The following GPC6 variants were observed in gnomAD, a reference collection of about 807,000 sequenced individuals.
GPC6 encodes the protein glypican 6, also known as glypican-6.
In GPC6, 14 loss-of-function variants were observed where a neutral mutation model predicts 55.2. That is an observed-to-expected ratio of 0.25 (90% CI 0.17 to 0.40). The LOEUF (loss-of-function observed/expected upper bound fraction) is 0.40, where lower values mean the gene tolerates loss of function less well. GPC6 is among the 10% of genes least tolerant of loss of function. The pLI is 1.00. For synonymous variants in GPC6, 278 were observed against 259.6 expected, an observed-to-expected ratio of 1.07 and a Z score of -0.68; for missense variants, 641 against 708.5, an observed-to-expected ratio of 0.90 and a Z score of 1.08.
chr13:93,383,081 T>C (rs1310567695), intron 1 of GPC6, among the ~76,000 whole-genome samples: 1 of 152,210 alleles, frequency 6.6e-6, no homozygotes, highest in Non-Finnish European at 1.5e-5. Context: ...GCTGCTATGA[T>C]CAAATGGTGA....
At chr13:93,445,610 T>C (rs564727580) in intron 1 of GPC6, among the ~76,000 whole-genome samples, 138 of 152,306 alleles carry the variant, frequency 9.1e-4, no homozygotes, top group South Asian at 1.9e-3. Context: ...TTCACCATGT[T>C]CCTACCATCT....
intron 1 of GPC6, among the ~76,000 whole-genome samples, chr13:93,506,193 G>A (rs942322359): frequency 7.2e-5 from 11 of 152,294 alleles, no homozygotes; most frequent in Admixed American, 5.9e-4. Flanking sequence ...AATGAAGTGA[G>A]AGAAAGGTTA....
At chr13:94,259,262 A>G (rs113760193) in intron 4 of GPC6, among the ~76,000 whole-genome samples, 2,048 of 152,298 alleles carry the variant, frequency 0.013, 52 homozygotes, top group African/African-American at 0.047. Context: ...CCCCTAAACC[A>G]ATAACCAACA....
intron 1 of GPC6, among the ~76,000 whole-genome samples, chr13:93,228,620 T>C (rs1430519767): frequency 6.6e-6 from 1 of 152,078 alleles, no homozygotes; most frequent in Non-Finnish European, 1.5e-5. Context: ...GAATGAAACG[T>C]GTCGGGGAGA....
intron 1 of GPC6, among the ~76,000 whole-genome samples, chr13:93,340,730 T>C (rs1880226892): frequency 6.6e-6 from 1 of 152,206 alleles, no homozygotes; most frequent in Admixed American, 6.5e-5. Context: ...GGCCTCATCA[T>C]GATACCCTTA....
At chr13:93,583,840 T>A (rs2139493625) in intron 2 of GPC6, among the ~76,000 whole-genome samples, 1 of 152,310 alleles carries the variant, frequency 6.6e-6, no homozygotes, top group South Asian at 2.1e-4. Flanking sequence ...AGTGAGAAAT[T>A]TAGAACTGAT....
chr13:93,322,695 C>T (rs1392638355), intron 1 of GPC6, among the ~76,000 whole-genome samples: 1 of 152,128 alleles, frequency 6.6e-6, no homozygotes, highest in African/African-American at 2.4e-5. Flanking sequence ...CCGCCTCAGC[C>T]TCCCAAAGTG....
intron 2 of GPC6, among the ~76,000 whole-genome samples, chr13:93,737,945 T>C (rs1381799738): frequency 6.6e-6 from 1 of 152,116 alleles, no homozygotes; most frequent in Non-Finnish European, 1.5e-5. Flanking sequence ...GAAGCAACAC[T>C]GAAAACTCAC....
At chr13:93,771,015 C>T (rs1396206877) in intron 2 of GPC6, among the ~76,000 whole-genome samples, 1 of 152,088 alleles carries the variant, frequency 6.6e-6, no homozygotes, top group East Asian at 1.9e-4. Context: ...CATTATCCTA[C>T]AGTCTCAGTA....
intron 4 of GPC6, among the ~76,000 whole-genome samples, chr13:94,094,991 G>T (rs1885611651): frequency 6.6e-6 from 1 of 151,894 alleles, no homozygotes; most frequent in Non-Finnish European, 1.5e-5. Context: ...ATTTAACTTG[G>T]CATCCTCCTT....
At chr13:94,128,564 C>G (rs1247535632) in intron 4 of GPC6, among the ~76,000 whole-genome samples, 1 of 152,162 alleles carries the variant, frequency 6.6e-6, no homozygotes, top group Non-Finnish European at 1.5e-5. Context: ...GTCATTCTGA[C>G]TGCAGGAAAG....
At chr13:94,333,508 A>G (rs1368816532) in intron 6 of GPC6, among the ~76,000 whole-genome samples, 1 of 152,268 alleles carries the variant, frequency 6.6e-6, no homozygotes. Flanking sequence ...GGAAATCAAT[A>G]CATCAATGCA....
intron 1 of GPC6, among the ~76,000 whole-genome samples, chr13:93,488,417 C>T (rs1440389487): frequency 2.6e-5 from 4 of 152,164 alleles, no homozygotes; most frequent in Non-Finnish European, 5.9e-5. Flanking sequence ...GTGAATAGTG[C>T]TGCAATAAAC....
chr13:94,348,531 T>A (rs1369053358), intron 6 of GPC6, among the ~76,000 whole-genome samples: 2 of 152,186 alleles, frequency 1.3e-5, no homozygotes, highest in Non-Finnish European at 2.9e-5. Context: ...CCCCTATGTA[T>A]TCCTGTTCCT....
chr13:93,863,781 C>T (rs932317018), intron 3 of GPC6, among the ~76,000 whole-genome samples: 3 of 151,632 alleles, frequency 2.0e-5, no homozygotes, highest in African/African-American at 4.8e-5. Context: ...GTCTAGTCCT[C>T]CACTGTCATT....
chr13:93,624,799 C>G (rs1879131800), intron 2 of GPC6, among the ~76,000 whole-genome samples: 1 of 152,098 alleles, frequency 6.6e-6, no homozygotes, highest in East Asian at 1.9e-4. Flanking sequence ...TTAAATAAAC[C>G]AAGGGCTAAG....
intron 1 of GPC6, among the ~76,000 whole-genome samples, chr13:93,370,859 C>T (rs1383402729): frequency 6.6e-6 from 1 of 152,084 alleles, no homozygotes; most frequent in East Asian, 1.9e-4. Context: ...CTTTAGAAAA[C>T]ATTGAGAATG....
At chr13:93,285,662 G>GTGTGTGTGTGTGTA (rs1345837061) in intron 1 of GPC6, among the ~76,000 whole-genome samples, 5 of 141,936 alleles carry the variant, frequency 3.5e-5, no homozygotes, top group African/African-American at 1.3e-4. Context: ...GTGTGTGTGT[G>GTGTGTGTGTGTGTA]TATGTGTTTG....
chr13:94,329,036 G>A (rs74103904), intron 6 of GPC6, among the ~76,000 whole-genome samples: 4 of 152,162 alleles, frequency 2.6e-5, no homozygotes, highest in East Asian at 3.9e-4. Flanking sequence ...CCCCGGGGGG[G>A]GCTGAAATGG....
Sources: allele counts gnomAD v4.1 joint callset (sites outside exome capture counted in the v4.1 genomes callset), GRCh38; gene constraint gnomAD v4.1.1; transcripts MANE v1.5; gene names NCBI Gene and HGNC (gene_info 2026-07-23, HGNC 2026-07-21).